The following NREP variants were observed in gnomAD, a reference collection of about 807,000 sequenced individuals.
The protein encoded by NREP is neuronal regeneration related protein.
A neutral mutation model predicts 8.6 loss-of-function variants in NREP; 5 were observed. That is an observed-to-expected ratio of 0.58 (90% CI 0.30 to 1.22). NREP has a LOEUF of 1.22. Among genes scored for constraint, NREP ranks in the 50% most tolerant of loss-of-function variants. The pLI is 0.07. For missense variants in NREP, 86 were observed against 82.5 expected (o/e 1.04, Z -0.17); for synonymous variants, 27 against 28.0 (o/e 0.96, Z 0.11).
intron 2 of NREP, among the ~76,000 whole-genome samples, chr5:111,883,021 C>T (rs1016769836): frequency 6.6e-6 from 1 of 152,218 alleles, no homozygotes; most frequent in Non-Finnish European, 1.5e-5. Context: ...AATTAAAAGA[C>T]ACAGACTGGC....
At chr5:111,946,778 A>C (rs1292917137) in intron 2 of NREP, among the ~76,000 whole-genome samples, 1 of 152,052 alleles carries the variant, frequency 6.6e-6, no homozygotes, top group Non-Finnish European at 1.5e-5. Flanking sequence ...GGGCAGAATT[A>C]GGCCAATCAG....
intron 2 of NREP, among the ~76,000 whole-genome samples, chr5:111,956,308 C>T (rs1756317421): frequency 6.6e-6 from 1 of 151,622 alleles, no homozygotes; most frequent in Non-Finnish European, 1.5e-5. Flanking sequence ...AATAACAAAA[C>T]AATAAGGGGA....
At chr5:111,898,395 G>C (rs949162638) in intron 2 of NREP, among the ~76,000 whole-genome samples, 4 of 152,110 alleles carry the variant, frequency 2.6e-5, no homozygotes, top group African/African-American at 9.7e-5. Context: ...AGAAAGAGAA[G>C]GACTGAATCT....
chr5:111,955,491 A>G (rs894568157), intron 2 of NREP, among the ~76,000 whole-genome samples: 8 of 130,024 alleles, frequency 6.2e-5, no homozygotes, highest in East Asian at 2.2e-4. Context: ...ACAAAAAACA[A>G]AAAACAAAAA....
intron 2 of NREP, among the ~76,000 whole-genome samples, chr5:111,951,568 GAA>G (rs1756160975): frequency 6.6e-6 from 1 of 152,030 alleles, no homozygotes; most frequent in South Asian, 2.1e-4. Flanking sequence ...ATCTTTTGCA[GAA>G]AAAGTTTGTC....
intron 2 of NREP, among the ~76,000 whole-genome samples, chr5:111,956,650 A>C (rs1431823981): frequency 1.3e-5 from 2 of 152,146 alleles, no homozygotes; most frequent in African/African-American, 2.4e-5. Context: ...AGAAGTAAAG[A>C]TGTGGGTCTT....
intron 2 of NREP, among the ~76,000 whole-genome samples, chr5:111,820,144 C>T (rs1239638513): frequency 6.6e-6 from 1 of 152,036 alleles, no homozygotes; most frequent in Non-Finnish European, 1.5e-5. Flanking sequence ...GACATCTGAT[C>T]ACCCTGACCG....
intron 2 of NREP, among the ~76,000 whole-genome samples, chr5:111,779,059 A>T (rs1561663119): frequency 6.6e-6 from 1 of 152,194 alleles, no homozygotes. Context: ...ATACCCAAAA[A>T]AGAGTACATA....
intron 2 of NREP, among the ~76,000 whole-genome samples, chr5:111,896,202 G>A (rs1392637678): frequency 6.6e-6 from 1 of 152,144 alleles, no homozygotes. Flanking sequence ...CGTTGACTTG[G>A]ACTAGGGTGG....
rs571784946 is a variant in NREP, at chr5:111,768,010, C to A, written c.136-32503G>T. Among the ~76,000 whole-genome samples the A allele has an allele frequency of 5.3e-5, 8 of 152,246 alleles. No individual in the cohort carries two copies. In the East Asian group the frequency reaches 1.5e-3, roughly 29 times the overall value. ...AAATATAATGCACCTATTTAAAATT[C>A]TAGTTAGAACTATATCTCTTGTCTT... On this transcript the variant is annotated intron_variant, in intron 2 of 3. Coordinates refer to the NREP transcript ENST00000395634.
chr5:111,889,304 C>A (rs13355315), intron 2 of NREP, among the ~76,000 whole-genome samples: 90,649 of 151,970 alleles, frequency 0.6, 27,474 homozygotes, highest in Non-Finnish European at 0.65. Context: ...CACACTTTTA[C>A]ACAATCAGAT....
chr5:111,741,474 A>G (rs1749658762), intron 2 of NREP, among the ~76,000 whole-genome samples: 1 of 152,160 alleles, frequency 6.6e-6, no homozygotes, highest in Non-Finnish European at 1.5e-5. Context: ...AGAGGGCCAA[A>G]TGTAAACTGA....
rs71626651 is a variant in NREP at position 111,763,222 on chromosome 5, GA to G, written c.136-27716del. Among the ~76,000 whole-genome samples the G allele has an allele frequency of 3.0e-3, 453 of 152,240 alleles. 1 individual carries two copies. Among genetic ancestry groups the G allele is most frequent in the Non-Finnish European group, 5.8e-3 (394 of 68,032 alleles). ...AGACGATTCAGTAAGTCTCAGGGAG[GA>G]ACACAAAATATCAGGAACTCAGCCA... On this transcript the variant is annotated intron_variant, in intron 2 of 3. Coordinates refer to the NREP transcript ENST00000395634.
At chr5:111,897,146 T>A (rs1241943139) in intron 2 of NREP, among the ~76,000 whole-genome samples, 1 of 152,174 alleles carries the variant, frequency 6.6e-6, no homozygotes, top group African/African-American at 2.4e-5. Context: ...GCACTTTTCA[T>A]AATGATACAT....
At chr5:111,933,612 A>T (rs1022680984) in intron 2 of NREP, among the ~76,000 whole-genome samples, 1 of 151,714 alleles carries the variant, frequency 6.6e-6, no homozygotes, top group Non-Finnish European at 1.5e-5. Context: ...CAGACCCATC[A>T]CTCCCCAAAC....
intron 2 of NREP, among the ~76,000 whole-genome samples, chr5:111,788,797 T>G (rs549912243): frequency 6.6e-6 from 1 of 152,332 alleles, no homozygotes; most frequent in Non-Finnish European, 1.5e-5. Context: ...TGAGAATGTT[T>G]TTGTATGAGA....
chr5:111,835,907 A>G (rs774558605), intron 2 of NREP, among the ~76,000 whole-genome samples: 4 of 152,098 alleles, frequency 2.6e-5, no homozygotes, highest in Non-Finnish European at 5.9e-5. Flanking sequence ...TCCCTTCTTC[A>G]TCTTAGAAAG....
chr5:111,907,328 T>C (rs1754802706), intron 2 of NREP, among the ~76,000 whole-genome samples: 1 of 152,140 alleles, frequency 6.6e-6, no homozygotes, highest in Non-Finnish European at 1.5e-5. Context: ...TATTTTACTT[T>C]GGTCTATGAT....
At chr5:111,967,708 C>T (rs1433245013) in intron 2 of NREP, among the ~76,000 whole-genome samples, 3 of 152,060 alleles carry the variant, frequency 2.0e-5, no homozygotes, top group Non-Finnish European at 2.9e-5. Context: ...CGCCTCTGCC[C>T]GGCCGCTGTG....
Sources: gnomAD v4.1 joint callset for allele counts (sites outside exome capture counted in the v4.1 genomes callset) on GRCh38, gnomAD v4.1.1 for gene constraint, MANE v1.5 for transcripts, NCBI Gene and HGNC (gene_info 2026-07-23, HGNC 2026-07-21) for gene names.